The following CLPB variants were observed in gnomAD, a reference collection of about 807,000 sequenced individuals.
CLPB encodes the protein mitochondrial disaggregase.
In CLPB, 40 loss-of-function variants were observed where a neutral mutation model predicts 78.4. The ratio of observed to expected loss-of-function variants is 0.51; its 90% CI spans 0.40 to 0.66. CLPB has a LOEUF of 0.66. Among genes scored for constraint, CLPB ranks in the 30% least tolerant of loss-of-function variants. CLPB has a pLI of 0.00. For synonymous variants in CLPB, 333 were observed against 348.0 expected (o/e 0.96, Z 0.48); for missense variants, 780 against 886.9 (o/e 0.88, Z 1.53).
At chr11:72,307,330 C>T (rs1949763775) in intron 8 of CLPB, 76 bp from the exon 9 acceptor site, 1 of 1,180,370 alleles carries the variant, frequency 8.5e-7, no homozygotes, top group South Asian at 1.2e-5. Flanking sequence ...ACTAGAAATG[C>T]ACGGACACTA....
chr11:72,306,428 C>T (rs969523816), intron 9 of CLPB, among the ~76,000 whole-genome samples: 1 of 152,190 alleles, frequency 6.6e-6, no homozygotes, highest in Non-Finnish European at 1.5e-5. Flanking sequence ...GCCCTGGATG[C>T]TGGGAAGGCT....
chr11:72,309,906 T>C (rs1362577392), intron 7 of CLPB, among the ~76,000 whole-genome samples: 1 of 152,198 alleles, frequency 6.6e-6, no homozygotes, highest in Non-Finnish European at 1.5e-5. Flanking sequence ...GTTTGGGATG[T>C]GTCTGCCCAT....
intron 2 of CLPB, among the ~76,000 whole-genome samples, chr11:72,427,349 C>G (rs534817062): frequency 2.6e-5 from 4 of 152,128 alleles, no homozygotes; most frequent in African/African-American, 9.7e-5. Flanking sequence ...ACATTATTTA[C>G]GAGGTCTGAG....
intron 4 of CLPB, among the ~76,000 whole-genome samples, chr11:72,375,342 G>A (rs1245267013): frequency 6.6e-6 from 1 of 152,110 alleles, no homozygotes; most frequent in Non-Finnish European, 1.5e-5. Flanking sequence ...CCCTAGAACT[G>A]CCTTACAAGG....
chr11:72,401,420 A>G (rs2135078163), intron 3 of CLPB, among the ~76,000 whole-genome samples: 1 of 152,280 alleles, frequency 6.6e-6, no homozygotes, highest in East Asian at 1.9e-4. Context: ...CCAGCCTGGC[A>G]ACAGAGTGAG....
intron 7 of CLPB, chr11:72,311,172 AG>A (rs1949838837): frequency 6.6e-6 from 1 of 152,346 alleles, no homozygotes; most frequent in East Asian, 1.9e-4. Flanking sequence ...GGTGGCAGCT[AG>A]GAAGGACTGG....
At chr11:72,358,844 T>G in intron 5 of CLPB, 36 bp downstream of exon 5, 3 of 211,560 alleles carry the variant, frequency 1.4e-5, no homozygotes, top group Non-Finnish European at 2.0e-5. Context: ...CTCTTCCACT[T>G]CCCCCACCCC....
intron 5 of CLPB, among the ~76,000 whole-genome samples, chr11:72,331,206 A>G (rs1950219186): frequency 6.6e-6 from 1 of 151,986 alleles, no homozygotes; most frequent in South Asian, 2.1e-4. Context: ...GATTGAGACC[A>G]TCCTGGCTAA....
chr11:72,327,986 C>T (rs778302560), intron 6 of CLPB, among the ~76,000 whole-genome samples: 1 of 152,172 alleles, frequency 6.6e-6, no homozygotes, highest in African/African-American at 2.4e-5. Flanking sequence ...GGGAGGCAAA[C>T]TCTGTATGGT....
intron 3 of CLPB, among the ~76,000 whole-genome samples, chr11:72,397,579 T>C (rs1490159680): frequency 6.6e-6 from 1 of 152,202 alleles, no homozygotes; most frequent in Non-Finnish European, 1.5e-5. Context: ...AGGTATGTAG[T>C]GGTATCTCAT....
At chr11:72,367,734 C>T (rs1017187294) in intron 4 of CLPB, among the ~76,000 whole-genome samples, 1 of 151,668 alleles carries the variant, frequency 6.6e-6, no homozygotes, top group Non-Finnish European at 1.5e-5. Context: ...AACAAACCTG[C>T]ACATGTAGCC....
intron 4 of CLPB, among the ~76,000 whole-genome samples, chr11:72,377,035 A>G (rs575462568): frequency 6.0e-4 from 91 of 152,316 alleles, no homozygotes; most frequent in African/African-American, 2.0e-3. Flanking sequence ...TAAGAACAAT[A>G]AATCAACATG....
chr11:72,406,858 C>T (rs1855724149), intron 2 of CLPB, among the ~76,000 whole-genome samples: 1 of 151,876 alleles, frequency 6.6e-6, no homozygotes, highest in Non-Finnish European at 1.5e-5. Context: ...CTTTTCCTTC[C>T]CTCCTTCCTT....
rs1033303140 is a variant in CLPB, at chr11:72,380,791, T to C, written c.543-407A>G. Among the ~76,000 whole-genome samples, 11 of 152,222 alleles carry C rather than the reference T, an allele frequency of 7.2e-5. 1 individual carries two copies. The highest frequency in any genetic ancestry group is 7.2e-4 in the Admixed American group (11 of 15,290). On this transcript the variant is annotated intron_variant, in intron 3 of 15. Coordinates refer to ENST00000538039, the MANE Select transcript of CLPB (RefSeq NM_001258392.3). ...AAAATACAAACTGTTTATCCAACAA[T>C]TACTTATCAAATGCCTACCATGTTC...
chr11:72,427,298 G>C (rs530998344), intron 2 of CLPB, among the ~76,000 whole-genome samples: 2 of 152,264 alleles, frequency 1.3e-5, no homozygotes, highest in Admixed American at 1.3e-4. Flanking sequence ...ACACAGTACA[G>C]AGCCCCAGAG....
intron 5 of CLPB, among the ~76,000 whole-genome samples, chr11:72,353,565 A>C (rs1483469706): frequency 6.6e-6 from 1 of 152,232 alleles, no homozygotes; most frequent in African/African-American, 2.4e-5. Context: ...TTATCAGTGC[A>C]TCCAATTCAA....
At chr11:72,327,431 G>C (rs1950151257) in intron 6 of CLPB, among the ~76,000 whole-genome samples, 1 of 152,188 alleles carries the variant, frequency 6.6e-6, no homozygotes, top group Non-Finnish European at 1.5e-5. Flanking sequence ...GGGTCTGACT[G>C]GCACAGGGGA....
chr11:72,344,447 A>G (rs974563277), intron 5 of CLPB, among the ~76,000 whole-genome samples: 1 of 152,048 alleles, frequency 6.6e-6, no homozygotes, highest in Non-Finnish European at 1.5e-5. Context: ...CCCGGGCTCA[A>G]GCCATTTGTC....
Position 72,361,686 on chromosome 11 carries a change from C to T in CLPB, c.647-2678G>A, listed in dbSNP as rs560170782. ...TTAACTGCTGGATATAATGATGAAC[C>T]TGACGAAAAGTGATAGTTGGCTCAA... On this transcript the variant is annotated intron_variant, in intron 4 of 15. Coordinates refer to ENST00000538039, the MANE Select transcript of CLPB (RefSeq NM_001258392.3). Among the ~76,000 whole-genome samples, 14 of 152,316 alleles carry T rather than the reference C, an allele frequency of 9.2e-5. No individual in the cohort carries two copies. The South Asian group carries it at 2.9e-3, about 32-fold the overall frequency.
Sources: allele counts gnomAD v4.1 joint callset (sites outside exome capture counted in the v4.1 genomes callset), GRCh38; gene constraint gnomAD v4.1.1; transcripts MANE v1.5; gene names NCBI Gene and HGNC (gene_info 2026-07-23, HGNC 2026-07-21).